Variants in WNT3 observed in about 807,000 individuals in gnomAD.
The protein encoded by WNT3 is proto-oncogene Wnt-3.
Under a neutral mutation model 34.2 loss-of-function variants are expected in WNT3, and 7 were observed. The ratio of observed to expected loss-of-function variants is 0.20; its 90% CI spans 0.12 to 0.38. WNT3 has a LOEUF of 0.38. WNT3 is among the 10% of genes least tolerant of loss of function. WNT3 has a pLI of 1.00. For missense variants in WNT3, 267 were observed against 499.8 expected, an observed-to-expected ratio of 0.53 and a Z score of 4.44; for synonymous variants, 212 against 211.5, an observed-to-expected ratio of 1.00 and a Z score of -0.02.
chr17:46,816,735 G>T lies in WNT3; in HGVS notation c.80+1783C>A, dbSNP rs12452816. Among the ~76,000 whole-genome samples, 524 of 152,234 alleles carry T rather than the reference G, an allele frequency of 3.4e-3. 4 individuals are homozygous for T. The highest frequency in any genetic ancestry group is 0.012 in the African/African-American group (503 of 41,534). ...GTGCCCTCTTCTAGTTCATAGGGCCGGAGAGACTGGTCTCTCTTCCTCAGT... is the reference window on the plus strand; with the variant it reads ...GTGCCCTCTTCTAGTTCATAGGGCCTGAGAGACTGGTCTCTCTTCCTCAGT... On this transcript the variant is annotated intron_variant, in intron 1 of 4. Transcript: ENST00000225512.
intron 1 of WNT3, among the ~76,000 whole-genome samples, chr17:46,814,330 C>G (rs554515507): frequency 6.6e-6 from 1 of 152,228 alleles, no homozygotes; most frequent in East Asian, 1.9e-4. Flanking sequence ...ATTATTATAA[C>G]GTTTGACCTG....
At chr17:46,807,840 T>G (rs1464566834) in intron 1 of WNT3, among the ~76,000 whole-genome samples, 1 of 152,244 alleles carries the variant, frequency 6.6e-6, no homozygotes. Flanking sequence ...GGTGGACCTC[T>G]GAGTTTTCTC....
intron 1 of WNT3, among the ~76,000 whole-genome samples, chr17:46,788,321 A>C (rs1478741737): frequency 1.3e-5 from 2 of 152,220 alleles, no homozygotes; most frequent in African/African-American, 4.8e-5. Flanking sequence ...ACCCTAAGTC[A>C]GTCTCCCATT....
chr17:46,782,761 C>T (rs1300013695), intron 1 of WNT3, among the ~76,000 whole-genome samples: 1 of 152,238 alleles, frequency 6.6e-6, no homozygotes, highest in Non-Finnish European at 1.5e-5. Flanking sequence ...ACTGGAGCCG[C>T]TCACCTGGCT....
chr17:46,774,949 C>G (rs1250304638), intron 1 of WNT3, among the ~76,000 whole-genome samples: 1 of 152,192 alleles, frequency 6.6e-6, no homozygotes, highest in African/African-American at 2.4e-5. Flanking sequence ...GGCCCATCTC[C>G]TCTCCCTCTG....
At chr17:46,783,421 C>G (rs1227330132) in intron 1 of WNT3, among the ~76,000 whole-genome samples, 1 of 152,214 alleles carries the variant, frequency 6.6e-6, no homozygotes, top group African/African-American at 2.4e-5. Context: ...AGTGATGACT[C>G]TCAGCCTGGC....
At chr17:46,800,317 G>C (rs2084108346) in intron 1 of WNT3, among the ~76,000 whole-genome samples, 1 of 152,108 alleles carries the variant, frequency 6.6e-6, no homozygotes, top group Non-Finnish European at 1.5e-5. Context: ...CACCGTGTTG[G>C]TCAGGCTGGT....
chr17:46,769,719 G>A (rs2059346697), intron 3 of WNT3, 64 bp downstream of exon 3: 1 of 1,592,406 alleles, frequency 6.3e-7, no homozygotes, highest in Admixed American at 1.7e-5. Flanking sequence ...GGGGGCCAGG[G>A]CAGCTCCGGA....
intron 1 of WNT3, among the ~76,000 whole-genome samples, chr17:46,791,216 T>C (rs1453274520): frequency 6.6e-6 from 1 of 150,934 alleles, no homozygotes; most frequent in Non-Finnish European, 1.5e-5. Flanking sequence ...CTTTCCTTAC[T>C]CTTTTTTTTT....
intron 1 of WNT3, among the ~76,000 whole-genome samples, chr17:46,803,966 G>T (rs953784151): frequency 6.6e-6 from 1 of 152,180 alleles, no homozygotes; most frequent in Non-Finnish European, 1.5e-5. Context: ...CAGGTAAAGC[G>T]TGTTTTCCCT....
rs373142961 is a variant in WNT3, at chr17:46,792,696, A to G, written c.81-18787T>C. Among the ~76,000 whole-genome samples the G allele has an allele frequency of 3.9e-5, 6 of 152,208 alleles. No homozygotes were observed. The East Asian group carries it at 9.7e-4, about 25-fold the overall frequency. On this transcript the variant is annotated intron_variant, in intron 1 of 4. Transcript: ENST00000225512. ...ACTATGTTGACCAGGCTAGCCTCGA[A>G]CTACTGACCACGTGATCTGCCCACC...
intron 1 of WNT3, among the ~76,000 whole-genome samples, chr17:46,795,750 G>A (rs114818459): frequency 2.0e-4 from 31 of 152,252 alleles, no homozygotes; most frequent in African/African-American, 7.2e-4. Context: ...AGCCCCACCC[G>A]GGGATCTCTG....
intron 4 of WNT3, among the ~76,000 whole-genome samples, chr17:46,767,227 T>A (rs2059321443): frequency 6.6e-6 from 1 of 152,064 alleles, no homozygotes; most frequent in Non-Finnish European, 1.5e-5. Flanking sequence ...CTGGGAAGCT[T>A]GGGAACAAAA....
chr17:46,816,843 C>CAAGTCTCTGCGAAAGCAA (rs2084357044), intron 1 of WNT3, among the ~76,000 whole-genome samples: 2 of 152,202 alleles, frequency 1.3e-5, no homozygotes, highest in Admixed American at 6.5e-5. Context: ...AGGCGAAAAA[C>CAAGTCTCTGCGAAAGCAA]GGCATGGCCT....
At chr17:46,809,111 T>G (rs1289961690) in intron 1 of WNT3, among the ~76,000 whole-genome samples, 2 of 151,926 alleles carry the variant, frequency 1.3e-5, no homozygotes, top group Non-Finnish European at 2.9e-5. Flanking sequence ...AGTGGGTTAT[T>G]GGGGGGATCG....
At chr17:46,796,747 T>C (rs2084059471) in intron 1 of WNT3, among the ~76,000 whole-genome samples, 1 of 152,202 alleles carries the variant, frequency 6.6e-6, no homozygotes, top group Non-Finnish European at 1.5e-5. Context: ...CAGTCCCTGG[T>C]TCCTGGCTGC....
chr17:46,791,645 G>A (rs943724768), intron 1 of WNT3, among the ~76,000 whole-genome samples: 16 of 152,172 alleles, frequency 1.1e-4, no homozygotes, highest in Non-Finnish European at 2.2e-4. Context: ...AGGGTGCTGG[G>A]GCACAGGGAG....
intron 1 of WNT3, among the ~76,000 whole-genome samples, chr17:46,814,130 C>T (rs1193728324): frequency 6.6e-6 from 1 of 152,206 alleles, no homozygotes; most frequent in Non-Finnish European, 1.5e-5. Context: ...CCCAAGCCCT[C>T]AGGATCCCTG....
At chr17:46,779,447 G>A (rs1345503671) in intron 1 of WNT3, among the ~76,000 whole-genome samples, 1 of 152,122 alleles carries the variant, frequency 6.6e-6, no homozygotes, top group African/African-American at 2.4e-5. Context: ...CCCTTCCCTA[G>A]GACCCTGCCA....
Sources: gnomAD v4.1 joint callset for allele counts (sites outside exome capture counted in the v4.1 genomes callset) on GRCh38, gnomAD v4.1.1 for gene constraint, MANE v1.5 for transcripts, NCBI Gene and HGNC (gene_info 2026-07-23, HGNC 2026-07-21) for gene names.